Variants in ME2 observed in about 807,000 individuals in gnomAD.
ME2 encodes NAD-dependent malic enzyme, mitochondrial.
In ME2, 60 loss-of-function variants were observed where a neutral mutation model predicts 73.7. The observed-to-expected ratio is 0.81, with a 90% CI of 0.66 to 1.01. ME2 has a LOEUF of 1.01. Ranked by LOEUF, ME2 falls within the 50% of genes least tolerant of loss-of-function variation. The probability of loss-of-function intolerance (pLI) is 0.00; values close to 1 mark genes in which losing one functional copy is unlikely to be tolerated. For missense variants in ME2, 594 were observed against 705.5 expected (o/e 0.84, Z 1.79); for synonymous variants, 199 against 236.9 (o/e 0.84, Z 1.47).
At chr18:50,931,971 C>A (rs576571118) in intron 12 of ME2, among the ~76,000 whole-genome samples, 2 of 152,282 alleles carry the variant, frequency 1.3e-5, no homozygotes, top group South Asian at 4.1e-4. Flanking sequence ...GTGTAAGCTT[C>A]TGTGCCTGGC....
At chr18:50,901,711 G>A (rs1916895163) in intron 2 of ME2, among the ~76,000 whole-genome samples, 1 of 152,158 alleles carries the variant, frequency 6.6e-6, no homozygotes, top group African/African-American at 2.4e-5. Context: ...TCTAAACTAT[G>A]TACATAGCCT....
chr18:50,937,466 T>C (rs1809912780), intron 13 of ME2, among the ~76,000 whole-genome samples: 1 of 152,242 alleles, frequency 6.6e-6, no homozygotes, highest in African/African-American at 2.4e-5. Context: ...TCATTTTCTC[T>C]AGTTCTTAAC....
chr18:50,913,294 TAAG>T (rs1354563555), intron 4 of ME2: 2 of 167,134 alleles, frequency 1.2e-5, no homozygotes, highest in African/African-American at 4.8e-5. Context: ...AAAGTCAAAT[TAAG>T]AGATTTTTTT....
intron 3 of ME2, among the ~76,000 whole-genome samples, chr18:50,909,901 A>C (rs1180444549): frequency 6.6e-6 from 1 of 152,202 alleles, no homozygotes; most frequent in Non-Finnish European, 1.5e-5. Flanking sequence ...GCTGGTCTTG[A>C]GCAAGAACAA....
At chr18:50,907,706 A>G (rs1313164152) in intron 2 of ME2, among the ~76,000 whole-genome samples, 2 of 152,248 alleles carry the variant, frequency 1.3e-5, no homozygotes, top group African/African-American at 4.8e-5. Flanking sequence ...ACTAGAAACA[A>G]TGCTACAACT....
At chr18:50,940,506 C>T (rs1336262204) in intron 15 of ME2, 120 bp downstream of exon 15, 2 of 688,192 alleles carry the variant, frequency 2.9e-6, no homozygotes. Flanking sequence ...AATTTTAGGC[C>T]CATATTCTTA....
intron 5 of ME2, chr18:50,916,476 C>T: frequency 2.7e-6 from 1 of 371,544 alleles, no homozygotes; most frequent in East Asian, 4.5e-5. Context: ...GGTGAGCCCT[C>T]TCGGTATCAG....
chr18:50,895,158 A>G (rs1181108169), intron 1 of ME2, among the ~76,000 whole-genome samples: 2 of 152,090 alleles, frequency 1.3e-5, no homozygotes, highest in African/African-American at 4.8e-5. Context: ...ATCACTAAAT[A>G]TTTTAGATTT....
chr18:50,940,280 C>G lies in ME2; in HGVS notation c.1489-8C>G. The G allele has an allele frequency of 6.3e-7, 1 of 1,589,684 alleles. No homozygotes were observed. The highest frequency in any genetic ancestry group is 8.5e-7 in the Non-Finnish European group (1 of 1,169,992). On this transcript the variant is annotated splice_polypyrimidine_tract_variant and splice_region_variant and intron_variant, in intron 14 of 15. Coordinates refer to ENST00000321341, the MANE Select transcript of ME2 (RefSeq NM_002396.5). ...CAAACAAAAGCAAAATGCTGTTTTTCTCTTCAGGCCCTGACAAGCCAATTG... is the reference window on the plus strand; with the variant it reads ...CAAACAAAAGCAAAATGCTGTTTTTGTCTTCAGGCCCTGACAAGCCAATTG...
intron 2 of ME2, among the ~76,000 whole-genome samples, chr18:50,896,937 C>T (rs1264111878): frequency 6.6e-6 from 1 of 152,150 alleles, no homozygotes; most frequent in African/African-American, 2.4e-5. Context: ...ATATTCTGAT[C>T]TTCTCTTGTT....
chr18:50,944,567 A>G (rs1228918481), intron 15 of ME2, among the ~76,000 whole-genome samples: 2 of 152,194 alleles, frequency 1.3e-5, no homozygotes, highest in Non-Finnish European at 2.9e-5. Flanking sequence ...AGCTTTCTCC[A>G]ATCTCATGCC....
rs1346624338 is a variant in ME2, at chr18:50,920,462, C to T, written c.741C>T (p.Gly247=). The T allele has an allele frequency of 6.3e-7, 1 of 1,593,934 alleles. No individual in the cohort carries two copies. The highest frequency in any genetic ancestry group is 1.9e-5 in the Admixed American group (1 of 53,692). The change falls in exon 8 of 16, where the codon GGC becomes GGT. Residue 247 remains glycine, a synonymous_variant. Coordinates refer to ENST00000321341, the MANE Select transcript of ME2 (RefSeq NM_002396.5). The part of the protein sequence containing the change: ...EFMKAITDRY[G]RNTLIQFEDF... The stretch of plus-strand genomic sequence containing the variant: ...TGGGTTTTGCTGTTTTTAGATATGG[C>T]CGGAACACACTCATTCAGTTCGAAG...
At chr18:50,897,107 A>G (rs539382440) in intron 2 of ME2, among the ~76,000 whole-genome samples, 73 of 152,274 alleles carry the variant, frequency 4.8e-4, no homozygotes, top group Admixed American at 1.9e-3. Flanking sequence ...CAAGTAATCA[A>G]TAGGTGTTGC....
At chr18:50,889,046 T>G (rs1275623092) in intron 1 of ME2, among the ~76,000 whole-genome samples, 1 of 152,228 alleles carries the variant, frequency 6.6e-6, no homozygotes, top group Non-Finnish European at 1.5e-5. Context: ...TAGCTATTTT[T>G]AAATGTACAG....
intron 15 of ME2, among the ~76,000 whole-genome samples, chr18:50,940,745 C>T (rs993562331): frequency 2.1e-4 from 32 of 152,312 alleles, no homozygotes; most frequent in African/African-American, 7.7e-4. Context: ...GGATTACTGG[C>T]ATGAGCCACA....
rs1917710144 is a variant in ME2, at chr18:50,932,261, A to G, written c.1318A>G (p.Arg440Gly). The change falls in exon 13 of 16, where the codon AGG (arginine) becomes GGG (glycine). Residue 440 changes from arginine to glycine, a missense_variant. By Grantham distance (125) the Arg-to-Gly change is moderately radical (BLOSUM62 -2). Transcript: ENST00000321341. ...AGTTATTTCATTTTATTAACAGGGC[A>G]GGTGTTTGTTTGCCAGTGGCAGTCC... The part of the protein sequence containing the change: ...AEEAYTLTEG[R>G]CLFASGSPFG... 1.2e-6 allele frequency: 2 copies of G among 1,612,084 alleles called. No homozygotes were observed. The highest frequency in any genetic ancestry group is 1.7e-6 in the Non-Finnish European group (2 of 1,178,560).
intron 15 of ME2, among the ~76,000 whole-genome samples, chr18:50,945,846 C>T (rs956271486): frequency 2.6e-5 from 4 of 152,136 alleles, no homozygotes; most frequent in African/African-American, 4.8e-5. Context: ...GCAGGCGGAT[C>T]ACCTGCGGTC....
intron 13 of ME2, among the ~76,000 whole-genome samples, chr18:50,937,064 G>A (rs1288771047): frequency 6.7e-6 from 1 of 150,148 alleles, no homozygotes; most frequent in Non-Finnish European, 1.5e-5. Context: ...ACAAAAATCC[G>A]AAAAGCAAGA....
chr18:50,935,306 A>AAAAACAGACACACTG (rs1382780326), intron 13 of ME2: 2 of 152,320 alleles, frequency 1.3e-5, no homozygotes, highest in East Asian at 3.9e-4. Context: ...CAAAAACAAG[A>AAAAACAGACACACTG]AAAACAGACA....
Sources: gnomAD v4.1 joint callset for allele counts (sites outside exome capture counted in the v4.1 genomes callset) on GRCh38, gnomAD v4.1.1 for gene constraint, MANE v1.5 for transcripts, NCBI Gene and HGNC (gene_info 2026-07-23, HGNC 2026-07-21) for gene names.